Variants in DPP6 observed in about 807,000 individuals in gnomAD.
The protein encoded by DPP6 is A-type potassium channel modulatory protein DPP6.
In DPP6, 69 loss-of-function variants were observed where a neutral mutation model predicts 122.6. The ratio of observed to expected loss-of-function variants is 0.56; its 90% CI spans 0.46 to 0.69. The LOEUF is 0.69. Ranked by LOEUF, DPP6 falls within the 30% of genes least tolerant of loss-of-function variation. The pLI is 0.00. For synonymous variants in DPP6, 418 were observed against 433.1 expected, an observed-to-expected ratio of 0.97 and a Z score of 0.43; for missense variants, 928 against 1,116.9, an observed-to-expected ratio of 0.83 and a Z score of 2.41.
At chr7:153,806,907 T>C in the DPP6 span, among the ~76,000 whole-genome samples, 1 of 151,894 alleles carries the variant, frequency 6.6e-6, no homozygotes, top group East Asian at 1.9e-4. Context: ...GGAAATCTGA[T>C]TTACCAAAAT....
intron 1 of DPP6, among the ~76,000 whole-genome samples, chr7:154,152,959 A>G (rs1353102868): frequency 6.6e-6 from 1 of 152,264 alleles, no homozygotes; most frequent in Non-Finnish European, 1.5e-5. Context: ...TGACAGTCCC[A>G]TGGCTGGACA....
In DPP6 at chr7:154,042,726, C is replaced by G. The variant is rs186296249; in HGVS notation, c.51+154992C>G. 3.5e-4 allele frequency among the ~76,000 whole-genome samples: 53 copies of G among 152,288 alleles called. No individual in the cohort carries two copies. In the East Asian group the frequency reaches 8.1e-3, roughly 23 times the overall value. On this transcript the variant is annotated intron_variant, in intron 1 of 25. Coordinates refer to the DPP6 transcript ENST00000404039. ...CCCCTTCTCAATGAAGATTTTAAGG[C>G]AAACTAGAATTGCATTACATTTAGT... is the stretch of plus-strand genomic sequence containing the variant.
At position 154,664,314 on chromosome 7, in the gene DPP6, C is replaced by G. The variant is rs78686227; in HGVS notation, c.681-5046C>G. 8.1e-3 allele frequency among the ~76,000 whole-genome samples: 1,231 copies of G among 152,328 alleles called. 16 individuals are homozygous for G. The highest frequency in any genetic ancestry group is 0.041 in the Middle Eastern group (12 of 294). The stretch of plus-strand genomic sequence containing the variant: ...TCTTGCAAGGCACTGCATATTATTT[C>G]CAGTTAGCATTTATGGGAATTTACA... On this transcript the variant is annotated intron_variant, in intron 6 of 25. Coordinates refer to ENST00000377770, the MANE Select transcript of DPP6 (RefSeq NM_130797.4).
At chr7:154,023,318 G>GCACACACACACACACACACACACACACA in intron 1 of DPP6, among the ~76,000 whole-genome samples, 1 of 129,526 alleles carries the variant, frequency 7.7e-6, no homozygotes, top group African/African-American at 3.2e-5. Flanking sequence ...TTTCTTGTCT[G>GCACACACACACACACACACACACACACA]CACACACACA....
intron 5 of DPP6, among the ~76,000 whole-genome samples, chr7:154,635,861 C>T (rs1323760668): frequency 6.6e-6 from 1 of 152,160 alleles, no homozygotes; most frequent in Non-Finnish European, 1.5e-5. Flanking sequence ...AGCCAGCTTC[C>T]TCAGAGCAAG....
intron 17 of DPP6, among the ~76,000 whole-genome samples, chr7:154,854,083 G>A (rs747585168): frequency 6.6e-6 from 1 of 152,292 alleles, no homozygotes; most frequent in East Asian, 1.9e-4. Context: ...GGCCTACCCA[G>A]GTCATAGACT....
intron 1 of DPP6, among the ~76,000 whole-genome samples, chr7:154,274,284 T>C (rs1038242075): frequency 1.3e-5 from 2 of 152,224 alleles, no homozygotes; most frequent in Non-Finnish European, 2.9e-5. Flanking sequence ...CTGAGCAGCA[T>C]TTTGATTGGG....
chr7:154,722,737 C>A (rs913244239), intron 7 of DPP6, among the ~76,000 whole-genome samples: 3 of 151,998 alleles, frequency 2.0e-5, no homozygotes, highest in Middle Eastern at 3.4e-3. Context: ...GAAGGCCACA[C>A]GTAGGGAGGC....
At chr7:154,227,987 A>T (rs1800709599) in intron 1 of DPP6, among the ~76,000 whole-genome samples, 1 of 152,216 alleles carries the variant, frequency 6.6e-6, no homozygotes, top group Admixed American at 6.5e-5. Context: ...AATAATGAAT[A>T]ATCTCCCATT....
rs148329792 is a variant in DPP6 at position 154,842,426 on chromosome 7, G to A, written c.1667-11354G>A. ...GTTTTGTGTCCTTTTTAATTACTTCGTTTTCCTCTGGAATTGTCACATTTC... is the reference window on the plus strand; with the variant it reads ...GTTTTGTGTCCTTTTTAATTACTTCATTTTCCTCTGGAATTGTCACATTTC... On this transcript the variant is annotated intron_variant, in intron 16 of 25. Transcript: ENST00000377770. Among the ~76,000 whole-genome samples, 399 of 151,908 alleles carry A rather than the reference G, an allele frequency of 2.6e-3. 3 individuals are homozygous for A. The highest frequency in any genetic ancestry group is 9.2e-3 in the African/African-American group (379 of 41,404).
At chr7:153,872,990 AG>A in the DPP6 span, among the ~76,000 whole-genome samples, 2 of 152,226 alleles carry the variant, frequency 1.3e-5, no homozygotes, top group South Asian at 4.1e-4. Flanking sequence ...GCAATTTATA[AG>A]GAAAAGAGTT....
intron 1 of DPP6, among the ~76,000 whole-genome samples, chr7:154,406,527 GCA>G (rs1475586591): frequency 6.6e-6 from 1 of 151,188 alleles, no homozygotes; most frequent in Non-Finnish European, 1.5e-5. Context: ...ACGCACAAAT[GCA>G]CACACACACG....
Position 154,793,958 on chromosome 7 carries a change from T to C in DPP6, c.1137-121T>C. On this transcript the variant is annotated intron_variant, in intron 10 of 25. Coordinates refer to ENST00000377770, the MANE Select transcript of DPP6 (RefSeq NM_130797.4). ...ATTTCAGAAGCTCGCAGGCTGGCTG[T>C]GTCACCACTGGCTCCGGCCCCCGGC... The C allele has an allele frequency of 2.1e-6, 3 of 1,434,852 alleles. No individual in the cohort carries two copies. In the East Asian group the frequency reaches 7.6e-5, roughly 36 times the overall value. The allele number at this position is 1,434,852 out of a possible 1,614,324, so 88.9% of individuals were successfully genotyped here. A position where few individuals can be genotyped will look rare whatever the true frequency, so the allele number is the denominator to read the frequency against.
At chr7:154,451,920 C>T (rs1162035348) in intron 2 of DPP6, among the ~76,000 whole-genome samples, 1 of 152,218 alleles carries the variant, frequency 6.6e-6, no homozygotes, top group African/African-American at 2.4e-5. Flanking sequence ...AAATGTTGCA[C>T]CGCTGCTCCC....
the DPP6 span, among the ~76,000 whole-genome samples, chr7:153,824,309 C>A: frequency 4.7e-5 from 7 of 147,498 alleles, no homozygotes; most frequent in Admixed American, 3.5e-4. Flanking sequence ...ATCACTTGAA[C>A]CCGGGAGGTG....
chr7:154,016,416 G>A (rs1268929370), intron 1 of DPP6, among the ~76,000 whole-genome samples: 3 of 145,946 alleles, frequency 2.1e-5, no homozygotes, highest in Non-Finnish European at 4.5e-5. Context: ...TTTTTTTTCA[G>A]AGAAGCCAAG....
At chr7:154,681,823 C>T (rs1349243417) in intron 7 of DPP6, among the ~76,000 whole-genome samples, 1 of 152,214 alleles carries the variant, frequency 6.6e-6, no homozygotes, top group African/African-American at 2.4e-5. Flanking sequence ...TACTGTCAGT[C>T]CCACTTACTG....
At chr7:154,794,625 C>T (rs1797906563) in intron 11 of DPP6, among the ~76,000 whole-genome samples, 1 of 152,238 alleles carries the variant, frequency 6.6e-6, no homozygotes, top group African/African-American at 2.4e-5. Flanking sequence ...TCCCTCCCCA[C>T]GTCCTGGTGA....
At chr7:154,795,792 A>G (rs1038669778) in intron 11 of DPP6, 53 bp from the exon 12 acceptor site, 115 of 1,378,130 alleles carry the variant, frequency 8.3e-5, no homozygotes, top group Admixed American at 2.1e-4. Flanking sequence ...TGCAAAAAAA[A>G]AAAAGAAAAG....
Sources: allele counts gnomAD v4.1 joint callset (sites outside exome capture counted in the v4.1 genomes callset), GRCh38; gene constraint gnomAD v4.1.1; transcripts MANE v1.5; gene names NCBI Gene and HGNC (gene_info 2026-07-23, HGNC 2026-07-21).